CDH12: variants seen among roughly 807,000 people sequenced by gnomAD.
CDH12 encodes cadherin-12.
CDH12 carries 41 observed loss-of-function variants against 74.1 expected under a neutral mutation model. The ratio of observed to expected loss-of-function variants is 0.55; its 90% confidence interval spans 0.43 to 0.72. The LOEUF is 0.72. Ranked by LOEUF, CDH12 falls within the 30% of genes least tolerant of loss-of-function variation. The pLI, the probability that CDH12 is intolerant of heterozygous loss-of-function variation, is 0.00. For synonymous variants in CDH12, 399 were observed against 355.0 expected (o/e 1.12, Z -1.39); for missense variants, 945 against 977.2 (o/e 0.97, Z 0.44).
intron 1 of CDH12, among the ~76,000 whole-genome samples, chr5:22,720,861 G>T (rs764427287): frequency 6.6e-6 from 1 of 152,274 alleles, no homozygotes; most frequent in African/African-American, 2.4e-5. Context: ...AGACATCTGC[G>T]GAACTTTGAA....
intron 6 of CDH12, among the ~76,000 whole-genome samples, chr5:21,878,014 A>T (rs922036382): frequency 1.3e-5 from 2 of 152,262 alleles, no homozygotes; most frequent in Non-Finnish European, 2.9e-5. Context: ...ATGATGCCAC[A>T]TGACTTTGCA....
chr5:22,073,460 T>G (rs1351655549), intron 5 of CDH12, among the ~76,000 whole-genome samples: 4 of 152,184 alleles, frequency 2.6e-5, no homozygotes, highest in Admixed American at 2.0e-4. Flanking sequence ...GGTGTGTGTA[T>G]GCACACTTGT....
chr5:22,165,457 G>T (rs907818717), intron 4 of CDH12, among the ~76,000 whole-genome samples: 2 of 151,696 alleles, frequency 1.3e-5, no homozygotes, highest in African/African-American at 4.9e-5. Flanking sequence ...ATTTAAAATT[G>T]CAAATATCCA....
chr5:22,280,059 GA>G, intron 3 of CDH12, among the ~76,000 whole-genome samples: 1 of 152,210 alleles, frequency 6.6e-6, no homozygotes, highest in South Asian at 2.1e-4. Context: ...ACTTTTTAAT[GA>G]TTGCCATTCT....
chr5:22,590,351 G>A (rs1740641080), intron 1 of CDH12, among the ~76,000 whole-genome samples: 1 of 151,446 alleles, frequency 6.6e-6, no homozygotes, highest in Admixed American at 6.6e-5. Context: ...TATCTATATT[G>A]GTATGAATTA....
intron 6 of CDH12, among the ~76,000 whole-genome samples, chr5:21,920,610 G>A (rs1190822923): frequency 6.6e-6 from 1 of 150,726 alleles, no homozygotes; most frequent in Non-Finnish European, 1.5e-5. Flanking sequence ...AAACCACCAT[G>A]GCACATGTAT....
In CDH12 at chr5:21,988,273, C is replaced by G. The variant is rs1757597805; in HGVS notation, c.232-12888G>C. ...TTGGGAGGCTGAGGTGGGCGGATCA[C>G]TTGAGGTCAGGAGTTGGAGACCAAC... On this transcript the variant is annotated intron_variant, in intron 5 of 14. Coordinates refer to ENST00000382254, the MANE Select transcript of CDH12 (RefSeq NM_004061.5). Among the ~76,000 whole-genome samples, 4 of 151,930 alleles carry G rather than the reference C, an allele frequency of 2.6e-5. No homozygotes were observed. In the South Asian group the frequency reaches 8.3e-4, roughly 32 times the overall value.
intron 2 of CDH12, among the ~76,000 whole-genome samples, chr5:22,461,689 T>C (rs916931455): frequency 6.6e-6 from 1 of 151,908 alleles, no homozygotes; most frequent in Admixed American, 6.6e-5. Flanking sequence ...AGAGTCCATA[T>C]TTTACTTCAT....
intron 4 of CDH12, among the ~76,000 whole-genome samples, chr5:22,132,079 A>G (rs953430204): frequency 1.3e-5 from 2 of 151,966 alleles, no homozygotes; most frequent in Admixed American, 6.6e-5. Flanking sequence ...TACTATTTCA[A>G]TCTCCTCACC....
chr5:22,198,759 G>A, intron 4 of CDH12, among the ~76,000 whole-genome samples: 1 of 151,934 alleles, frequency 6.6e-6, no homozygotes, highest in Non-Finnish European at 1.5e-5. Context: ...TATCAATTCT[G>A]AATTTTCCTT....
At chr5:22,279,353 G>C (rs1227753606) in intron 3 of CDH12, among the ~76,000 whole-genome samples, 4 of 152,164 alleles carry the variant, frequency 2.6e-5, no homozygotes, top group Non-Finnish European at 5.9e-5. Flanking sequence ...TCATAAAAAT[G>C]TAGTTAGAAA....
rs70959715 is a variant in CDH12 at position 22,315,119 on chromosome 5, CTT to C, written c.-333+90136_-333+90137del. 9.7e-3 allele frequency among the ~76,000 whole-genome samples: 222 copies of C among 22,986 alleles called. 6 individuals carry two copies. The highest frequency in any genetic ancestry group is 0.047 in the African/African-American group (212 of 4,512). The allele number at this position is 22,986 out of a possible 152,430, so 15.1% of individuals were successfully genotyped here. ...GGCGCCTGCCACCGTGCCTGCCTGG[CTT>C]TTTTTTTTTTTTTTTTTTTTTTAGT... is the stretch of plus-strand genomic sequence containing the variant. On this transcript the variant is annotated intron_variant, in intron 3 of 14. Coordinates refer to ENST00000382254, the MANE Select transcript of CDH12 (RefSeq NM_004061.5).
At chr5:22,224,805 C>T (rs538865135) in intron 3 of CDH12, among the ~76,000 whole-genome samples, 14 of 151,166 alleles carry the variant, frequency 9.3e-5, no homozygotes, top group South Asian at 8.4e-4. Context: ...AAAACTTACA[C>T]GAGTTTTGAT....
At chr5:22,510,888 T>C (rs998833171) in intron 1 of CDH12, among the ~76,000 whole-genome samples, 1 of 150,882 alleles carries the variant, frequency 6.6e-6, no homozygotes, top group African/African-American at 2.4e-5. Context: ...GTCAAGAACA[T>C]ATATAATTTT....
chr5:22,288,934 T>C (rs1051786332), intron 3 of CDH12, among the ~76,000 whole-genome samples: 1 of 152,172 alleles, frequency 6.6e-6, no homozygotes, highest in African/African-American at 2.4e-5. Flanking sequence ...TTCTTAGTTA[T>C]GAAGAAGGCT....
intron 3 of CDH12, among the ~76,000 whole-genome samples, chr5:22,361,800 G>A (rs1023476581): frequency 4.6e-5 from 7 of 152,046 alleles, no homozygotes; most frequent in Non-Finnish European, 8.8e-5. Flanking sequence ...TCTGATCTTC[G>A]ACAAACTTGA....
chr5:22,450,590 G>A (rs763654567), intron 2 of CDH12, among the ~76,000 whole-genome samples: 2 of 151,598 alleles, frequency 1.3e-5, no homozygotes, highest in Non-Finnish European at 2.9e-5. Context: ...TCTTGCACTT[G>A]GACTACTACA....
intron 2 of CDH12, among the ~76,000 whole-genome samples, chr5:22,487,219 T>A (rs2963699): frequency 6.6e-6 from 1 of 151,712 alleles, no homozygotes; most frequent in Admixed American, 6.6e-5. Flanking sequence ...CCAAGCTGAT[T>A]TCGAACTCCT....
intron 2 of CDH12, among the ~76,000 whole-genome samples, chr5:22,480,824 T>A (rs1746359047): frequency 6.6e-6 from 1 of 152,156 alleles, no homozygotes; most frequent in Non-Finnish European, 1.5e-5. Flanking sequence ...CCAGGGTTTT[T>A]AAAAGTTTAT....
Sources: gnomAD v4.1 joint callset for allele counts (sites outside exome capture counted in the v4.1 genomes callset) on GRCh38, gnomAD v4.1.1 for gene constraint, MANE v1.5 for transcripts, NCBI Gene and HGNC (gene_info 2026-07-23, HGNC 2026-07-21) for gene names.